Variants in AIFM1 observed in about 807,000 individuals in gnomAD.
AIFM1 encodes apoptosis-inducing factor 1, mitochondrial.
A neutral mutation model predicts 51.7 loss-of-function variants in AIFM1; 3 were observed. That is an observed-to-expected ratio of 0.06 (90% CI 0.03 to 0.15). The LOEUF is 0.15. AIFM1 is among the 10% of genes least tolerant of loss of function. The pLI is 1.00. For synonymous variants in AIFM1, 178 were observed against 179.4 expected, an observed-to-expected ratio of 0.99 and a Z score of 0.06; for missense variants, 330 against 476.8, an observed-to-expected ratio of 0.69 and a Z score of 2.87.
chrX:130,148,403 A>G (rs1330658212), intron 3 of AIFM1, among the ~76,000 whole-genome samples: 1 of 112,047 alleles, frequency 8.9e-6, no homozygotes, highest in Non-Finnish European at 1.9e-5. Flanking sequence ...GTCCTCTCTG[A>G]AAATTGAAGT....
chrX:130,147,398 CCCT>C (rs1447186447), intron 5 of AIFM1, 92 bp downstream of exon 5: 2 of 1,093,624 alleles, frequency 1.8e-6, no homozygotes, highest in African/African-American at 3.6e-5. Context: ...GCCAAGCCAT[CCCT>C]CCTATTACTG....
intron 1 of AIFM1, among the ~76,000 whole-genome samples, chrX:130,162,617 C>A (rs989494035): frequency 8.9e-6 from 1 of 112,364 alleles, no homozygotes; most frequent in African/African-American, 3.2e-5. Context: ...GAAGACTCAT[C>A]TTTTAGGCTT....
chrX:130,136,819 G>A lies in AIFM1; in HGVS notation c.1076-88C>T, dbSNP rs954833197. On this transcript the variant is annotated intron_variant, in intron 10 of 15. Coordinates refer to ENST00000287295, the MANE Select transcript of AIFM1 (RefSeq NM_004208.4). ...AAAGCTGACCAGCGGTCTCCTCCAC[G>A]GTAAAACCAATTATCAGTACACAGG... 7.6e-5 allele frequency: 81 copies of A among 1,059,595 alleles called. No individual in the cohort carries two copies. The Admixed American group carries it at 1.6e-3, about 21-fold the overall frequency. The allele number at this position is 1,059,595 out of a possible 1,213,427, so 87.3% of individuals were successfully genotyped here.
chrX:130,156,209 G>A (rs2031157977), intron 2 of AIFM1, among the ~76,000 whole-genome samples: 1 of 111,900 alleles, frequency 8.9e-6, no homozygotes, highest in Non-Finnish European at 1.9e-5. Context: ...GGAAAACATA[G>A]TGGCTTTCAA....
At chrX:130,153,592 G>A (rs950836888) in intron 2 of AIFM1, among the ~76,000 whole-genome samples, 1 of 111,209 alleles carries the variant, frequency 9.0e-6, no homozygotes. Context: ...TTTGGCAATG[G>A]GGCATTGGGG....
intron 2 of AIFM1, 116 bp downstream of exon 2, chrX:130,156,340 TGAAAA>T (rs2031160832): frequency 1.0e-6 from 1 of 987,688 alleles, no homozygotes; most frequent in Admixed American, 2.4e-5. Flanking sequence ...GAAGGCTTTT[TGAAAA>T]TTTTTCCAAA....
At chrX:130,154,155 T>C (rs1769727539) in intron 2 of AIFM1, among the ~76,000 whole-genome samples, 1 of 112,487 alleles carries the variant, frequency 8.9e-6, no homozygotes, top group African/African-American at 3.2e-5. Context: ...GCTTTATTAT[T>C]ACCAGTGTTG....
Position 130,149,485 on chromosome X carries a change from T to C in AIFM1, c.333A>G (p.Lys111=), listed in dbSNP as rs2030881164. 8.3e-7 allele frequency: 1 copy of C among 1,208,129 alleles called. No individual in the cohort carries two copies. The highest frequency in any genetic ancestry group is 1.7e-5 in the African/African-American group (1 of 57,172). ...AATACTCACCAGATAACGCGGCCTT[T>C]TTCTGTTTCTGTTCTGGTGTCAGCC... ...GLGLTPEQKQ[K]KAALSASEGE... is the part of the protein sequence containing the mutation. Residue 111 remains lysine (K), a synonymous_variant, in exon 3 of 16, where the codon AAA becomes AAG. Transcript: ENST00000287295.
In AIFM1 at chrX:130,130,127, G is replaced by T. The variant is rs1371400391; in HGVS notation, c.1613C>A (p.Ala538Asp). Residue 538 changes from alanine to aspartate, a missense_variant, in exon 15 of 16, where the codon GCC (alanine) becomes GAC (aspartate). Coordinates refer to ENST00000287295, the MANE Select transcript of AIFM1 (RefSeq NM_004208.4). The part of the protein sequence containing the change: ...IRSESETESE[A>D]SEITIPPSTP... Reference sequence around the variant, plus strand: ...GCTGGGAGGAATAGTAATTTCTGAGGCCTCGGACTCTGTCTCACTCTCTGA... The same window carrying T: ...GCTGGGAGGAATAGTAATTTCTGAGTCCTCGGACTCTGTCTCACTCTCTGA... 1.7e-6 allele frequency: 2 copies of T among 1,210,041 alleles called. No homozygotes were observed. The highest frequency in any genetic ancestry group is 4.4e-5 in the Admixed American group (2 of 45,722).
intron 3 of AIFM1, among the ~76,000 whole-genome samples, chrX:130,148,407 T>C (rs769549892): frequency 6.3e-5 from 7 of 111,517 alleles, no homozygotes; most frequent in Non-Finnish European, 9.4e-5. Context: ...TCTCTGAAAA[T>C]TGAAGTGAAT....
chrX:130,152,149 G>A (rs1289089959), intron 2 of AIFM1, among the ~76,000 whole-genome samples: 1 of 111,427 alleles, frequency 9.0e-6, no homozygotes, highest in African/African-American at 3.3e-5. Context: ...AAAAAGAAAA[G>A]TTTTACCTAA....
chrX:130,131,932 G>C, intron 13 of AIFM1, 133 bp from the exon 14 acceptor site: 1 of 791,860 alleles, frequency 1.3e-6, no homozygotes, highest in Non-Finnish European at 1.9e-6. Flanking sequence ...AGTGCAATGG[G>C]TGCGAACTCA....
intron 6 of AIFM1, among the ~76,000 whole-genome samples, chrX:130,142,975 G>A (rs1042111475): frequency 1.8e-5 from 2 of 111,890 alleles, no homozygotes; most frequent in Non-Finnish European, 3.8e-5. Flanking sequence ...CCTCTGCCAC[G>A]GTAACACTGT....
chrX:130,154,229 A>G (rs974107645), intron 2 of AIFM1, among the ~76,000 whole-genome samples: 15 of 112,055 alleles, frequency 1.3e-4, no homozygotes, highest in Non-Finnish European at 3.8e-5. Context: ...TGCTTCTTAG[A>G]TATTTCTAAG....
intron 12 of AIFM1, among the ~76,000 whole-genome samples, chrX:130,135,601 T>C (rs1035605790): frequency 9.0e-6 from 1 of 110,711 alleles, no homozygotes; most frequent in Admixed American, 9.7e-5. Context: ...TATGTCATAA[T>C]AGATTGTAAA....
chrX:130,130,216 C>T (rs2030009124), intron 14 of AIFM1, 50 bp from the exon 15 acceptor site: 1 of 1,177,395 alleles, frequency 8.5e-7, no homozygotes, highest in East Asian at 3.0e-5. Context: ...ATCAAAACTT[C>T]AGTTATTATG....
rs761153183 is a variant in AIFM1 at position 130,165,706 on chromosome X, G to A, written c.-50C>T. ...CCTCCTTCCCTTTCCTCTCACGCAC[G>A]ACCGACGGGTCAAACACCGTGAGCC... On this transcript the variant is annotated 5_prime_UTR_variant, in exon 1 of 16. Transcript: ENST00000287295. 7.6e-6 allele frequency: 8 copies of A among 1,049,604 alleles called. No individual in the cohort carries two copies. Among genetic ancestry groups the A allele is most frequent in the East Asian group, 3.3e-5 (1 of 30,417 alleles). 86.5% of individuals were successfully genotyped at this position (1,049,604 alleles called of 1,213,427 possible).
rs186218286 is a variant in AIFM1, at chrX:130,139,189, G to A, written c.859-488C>T. On this transcript the variant is annotated intron_variant, in intron 8 of 15. Coordinates refer to ENST00000287295, the MANE Select transcript of AIFM1 (RefSeq NM_004208.4). The stretch of plus-strand genomic sequence containing the variant: ...AATACAAAAAAAAAAAAAATTAGCC[G>A]GTCGTGGTGGCACATGCCTGTAATT... Among the ~76,000 whole-genome samples the A allele has an allele frequency of 4.8e-3, 532 of 110,910 alleles. 3 individuals carry two copies. The highest frequency in any genetic ancestry group is 0.016 in the African/African-American group (501 of 30,516).
intron 2 of AIFM1, among the ~76,000 whole-genome samples, chrX:130,153,178 CAAAAAAA>C (rs34591824): frequency 2.3e-5 from 1 of 43,915 alleles, no homozygotes; most frequent in South Asian, 1.3e-3. Flanking sequence ...ACTAAAAATA[CAAAAAAA>C]AAAAAAAAAA....
Sources: allele counts gnomAD v4.1 joint callset (sites outside exome capture counted in the v4.1 genomes callset), GRCh38; gene constraint gnomAD v4.1.1; transcripts MANE v1.5; gene names NCBI Gene and HGNC (gene_info 2026-07-23, HGNC 2026-07-21).